Variants in LETM1 observed in about 807,000 individuals in gnomAD.
LETM1 encodes leucine zipper and EF-hand containing transmembrane protein 1, also known as mitochondrial proton/calcium exchanger protein.
Under a neutral mutation model 74.5 loss-of-function variants are expected in LETM1, and 50 were observed. The ratio of observed to expected loss-of-function variants is 0.67; its 90% CI spans 0.53 to 0.85. The LOEUF is 0.85. Ranked by LOEUF, LETM1 falls within the 40% of genes least tolerant of loss-of-function variation. The pLI, the probability that LETM1 is intolerant of heterozygous loss-of-function variation, is 0.00. For synonymous variants in LETM1, 446 were observed against 407.1 expected (o/e 1.10, Z -1.15); for missense variants, 824 against 967.8 (o/e 0.85, Z 1.97).
intron 10 of LETM1, among the ~76,000 whole-genome samples, chr4:1,821,636 C>T (rs958401259): frequency 2.6e-5 from 4 of 152,286 alleles, no homozygotes; most frequent in Admixed American, 1.3e-4. Context: ...TGCACTGAGC[C>T]GAGATGGCGC....
intron 1 of LETM1, 142 bp downstream of exon 1, chr4:1,855,727 C>A (rs1713218209): frequency 2.2e-6 from 1 of 450,144 alleles, no homozygotes. Context: ...GACCCGGGGC[C>A]CCACGGTCCC....
In LETM1 at chr4:1,823,725, C is replaced by G; in HGVS notation, c.1251G>C (p.Leu417=). The G allele has an allele frequency of 1.2e-6, 2 of 1,613,750 alleles. No individual in the cohort carries two copies. The highest frequency in any genetic ancestry group is 2.2e-5 in the South Asian group (2 of 91,070). The change falls in exon 8 of 14, where the codon CTG becomes CTC. Residue 417 remains leucine, a synonymous_variant. Transcript: ENST00000302787. ...HQEIPTSLLI[L]SRAMYLPDTL... ...TGTCCGGGAGGTACATGGCCCGGGA[C>G]AGGATGAGCAGCGATGTGGGGATCT...
chr4:1,821,451 G>C (rs557695865), intron 10 of LETM1, among the ~76,000 whole-genome samples: 2 of 151,878 alleles, frequency 1.3e-5, no homozygotes, highest in South Asian at 4.2e-4. Flanking sequence ...CACTTTGGGA[G>C]GCTGAGGCGG....
intron 10 of LETM1, among the ~76,000 whole-genome samples, chr4:1,821,246 C>T (rs1711764961): frequency 6.6e-6 from 1 of 151,786 alleles, no homozygotes; most frequent in Non-Finnish European, 1.5e-5. Flanking sequence ...GTGCATGCCA[C>T]CATGTCTGGC....
At chr4:1,824,560 AG>A (rs764622708) in intron 7 of LETM1, among the ~76,000 whole-genome samples, 32 of 152,182 alleles carry the variant, frequency 2.1e-4, no homozygotes, top group Non-Finnish European at 3.7e-4. Context: ...GGCAACGCTG[AG>A]GAGAAGTGGG....
rs755329569 is a variant in LETM1, at chr4:1,841,794, A to G, written c.147T>C (p.Asn49=). ...ASTLGLRNCL[N]VPFGCCTPIH... is the part of the protein sequence containing the mutation. ...TGGGAGTGCAGCAGCCAAATGGAAC[A>G]TTCCTTGAAAAGGGAAGAGTGGAAA... is the stretch of plus-strand genomic sequence containing the variant. Residue 49 remains asparagine, a synonymous_variant, in exon 3 of 14, where the codon AAT becomes AAC. Coordinates refer to ENST00000302787, the MANE Select transcript of LETM1 (RefSeq NM_012318.3). The G allele has an allele frequency of 2.1e-5, 33 of 1,609,122 alleles. No individual in the cohort carries two copies. In the East Asian group the frequency reaches 5.8e-4, roughly 28 times the overall value.
At chr4:1,847,259 T>C (rs1222871886) in intron 2 of LETM1, among the ~76,000 whole-genome samples, 2 of 151,922 alleles carry the variant, frequency 1.3e-5, no homozygotes, top group Non-Finnish European at 2.9e-5. Flanking sequence ...GAGAATGGCT[T>C]GAGCCTGGGA....
intron 9 of LETM1, 162 bp from the exon 10 acceptor site, chr4:1,822,474 G>T: frequency 1.3e-6 from 1 of 758,624 alleles, no homozygotes. Flanking sequence ...GAGGCTCCAT[G>T]CAGCTGCCAG....
chr4:1,816,968 A>G, intron 11 of LETM1, 54 bp from the exon 12 acceptor site: 2 of 1,468,390 alleles, frequency 1.4e-6, no homozygotes, highest in Non-Finnish European at 1.9e-6. Flanking sequence ...AAAGGGGGTC[A>G]GGTGTAGTGG....
chr4:1,812,390 AGTG>A lies in LETM1; in HGVS notation c.*2031_*2033del, dbSNP rs1722496005. 2 of 126,326 alleles carry A rather than the reference AGTG, an allele frequency of 1.6e-5. No homozygotes were observed. The highest frequency in any genetic ancestry group is 8.1e-5 in the Admixed American group (1 of 12,328). 7.8% of individuals were successfully genotyped at this position (126,326 alleles called of 1,614,324 possible). On this transcript the variant is annotated 3_prime_UTR_variant, in exon 14 of 14. Transcript: ENST00000302787. ...AAAAAAAAAAAAAAAAAAAAAAAAA[AGTG>A]AGTGCTTAGCTGGAGTGAGGAGGAA...
At chr4:1,824,564 G>T (rs1711913775) in intron 7 of LETM1, among the ~76,000 whole-genome samples, 1 of 152,200 alleles carries the variant, frequency 6.6e-6, no homozygotes, top group African/African-American at 2.4e-5. Context: ...ACGCTGAGGA[G>T]AAGTGGGTAG....
chr4:1,854,962 G>A (rs555757500), intron 1 of LETM1, among the ~76,000 whole-genome samples: 79 of 152,208 alleles, frequency 5.2e-4, no homozygotes, highest in Non-Finnish European at 9.7e-4. Flanking sequence ...CAAAGCAGGA[G>A]GATCAGTTGA....
At chr4:1,823,798 C>G in intron 7 of LETM1, 23 bp from the exon 8 acceptor site, 1 of 1,592,484 alleles carries the variant, frequency 6.3e-7, no homozygotes, top group Non-Finnish European at 8.6e-7. Context: ...CCAGGTTCAG[C>G]AGATGGGCAG....
intron 2 of LETM1, among the ~76,000 whole-genome samples, chr4:1,844,080 G>C (rs1000583733): frequency 3.2e-4 from 48 of 152,178 alleles, no homozygotes; most frequent in Admixed American, 2.2e-3. Flanking sequence ...GCAGTCACGG[G>C]GTGTCGACAG....
At chr4:1,850,644 GAAAAAA>G (rs535769857) in intron 1 of LETM1, among the ~76,000 whole-genome samples, 1 of 74,344 alleles carries the variant, frequency 1.3e-5, no homozygotes, top group Non-Finnish European at 2.9e-5. Flanking sequence ...CTCTGTCTCA[GAAAAAA>G]AAAAAAAAAA....
chr4:1,835,069 A>G (rs1221584089), intron 4 of LETM1, 87 bp from the exon 5 acceptor site: 2 of 1,261,302 alleles, frequency 1.6e-6, no homozygotes, highest in African/African-American at 3.0e-5. Flanking sequence ...CCCGACCCCC[A>G]CTCCCAGAAA....
At chr4:1,835,426 G>GCGAAACTC (rs1271761837) in intron 4 of LETM1, among the ~76,000 whole-genome samples, 3 of 151,676 alleles carry the variant, frequency 2.0e-5, no homozygotes, top group Non-Finnish European at 4.4e-5. Context: ...GGGTGACAGA[G>GCGAAACTC]CGAAACTCCG....
intron 10 of LETM1, among the ~76,000 whole-genome samples, chr4:1,820,621 A>G (rs1194207684): frequency 6.6e-6 from 1 of 152,238 alleles, no homozygotes; most frequent in Non-Finnish European, 1.5e-5. Flanking sequence ...TGTGCAGGAC[A>G]TCTGCATATC....
rs1048300457 is a variant in LETM1, at chr4:1,823,924, C to A, written c.1201-149G>T. 4.4e-6 allele frequency: 4 copies of A among 917,444 alleles called. No individual in the cohort carries two copies. In the South Asian group the frequency reaches 7.1e-5, roughly 16 times the overall value. The allele number at this position is 917,444 out of a possible 1,614,324, so 56.8% of individuals were successfully genotyped here. On this transcript the variant is annotated intron_variant, in intron 7 of 13. Coordinates refer to ENST00000302787, the MANE Select transcript of LETM1 (RefSeq NM_012318.3). ...CTGTTTGTTGCTGTGCTGCGTGACC[C>A]GATGACGGCGTTAGTAAACAAAACA... is the stretch of plus-strand genomic sequence containing the variant.
Sources: gnomAD v4.1 joint callset for allele counts (sites outside exome capture counted in the v4.1 genomes callset) on GRCh38, gnomAD v4.1.1 for gene constraint, MANE v1.5 for transcripts, NCBI Gene and HGNC (gene_info 2026-07-23, HGNC 2026-07-21) for gene names.